The following BRMS1L variants were observed in gnomAD, a reference collection of about 807,000 sequenced individuals.
BRMS1L encodes breast cancer metastasis-suppressor 1-like protein.
BRMS1L carries 23 observed loss-of-function variants against 50.3 expected under a neutral mutation model. The ratio of observed to expected loss-of-function variants is 0.46; its 90% CI spans 0.33 to 0.65. The LOEUF is 0.65. Among genes scored for constraint, BRMS1L ranks in the 30% least tolerant of loss-of-function variants. The pLI is 0.02. For synonymous variants in BRMS1L, 114 were observed against 126.9 expected (o/e 0.90, Z 0.69); for missense variants, 286 against 386.1 (o/e 0.74, Z 2.17).
intron 4 of BRMS1L, among the ~76,000 whole-genome samples, chr14:35,845,673 A>C (rs1273339716): frequency 3.3e-5 from 5 of 152,222 alleles, no homozygotes; most frequent in Non-Finnish European, 5.9e-5. Flanking sequence ...TCTTCCATAG[A>C]AGTATATATT....
intron 5 of BRMS1L, among the ~76,000 whole-genome samples, chr14:35,863,036 T>G (rs2078373667): frequency 6.6e-6 from 1 of 151,930 alleles, no homozygotes; most frequent in Non-Finnish European, 1.5e-5. Context: ...TCCCAGGAGT[T>G]CGAGATTGCA....
intron 3 of BRMS1L, 45 bp from the exon 4 acceptor site, chr14:35,834,799 A>T (rs770845990): frequency 7.5e-7 from 1 of 1,337,190 alleles, no homozygotes; most frequent in Non-Finnish European, 1.0e-6. Context: ...TGATAATGGA[A>T]CTTCTCATTG....
At chr14:35,853,021 TAGAG>T (rs59272704) in intron 4 of BRMS1L, among the ~76,000 whole-genome samples, 4,972 of 151,870 alleles carry the variant, frequency 0.033, 252 homozygotes, top group African/African-American at 0.11. Flanking sequence ...TATCTATATA[TAGAG>T]AGAGAGACTT....
chr14:35,855,199 G>C (rs1375623989), intron 4 of BRMS1L, among the ~76,000 whole-genome samples: 5 of 152,162 alleles, frequency 3.3e-5, no homozygotes, highest in African/African-American at 1.2e-4. Context: ...AGCTTCATCA[G>C]GTTAACATGC....
chr14:35,843,406 G>A (rs900434653), intron 4 of BRMS1L, among the ~76,000 whole-genome samples: 1 of 152,126 alleles, frequency 6.6e-6, no homozygotes, highest in African/African-American at 2.4e-5. Context: ...ATTCCTTTCT[G>A]TTCGTTAGTT....
chr14:35,835,132 G>A (rs2077974862), intron 4 of BRMS1L, among the ~76,000 whole-genome samples: 1 of 151,860 alleles, frequency 6.6e-6, no homozygotes, highest in Non-Finnish European at 1.5e-5. Flanking sequence ...AAAAAACTGA[G>A]ATAATTTTAG....
chr14:35,853,781 G>C (rs533653982), intron 4 of BRMS1L, among the ~76,000 whole-genome samples: 2 of 152,106 alleles, frequency 1.3e-5, no homozygotes, highest in East Asian at 3.9e-4. Flanking sequence ...GTTCTGATTT[G>C]TCCTTTTTAA....
intron 7 of BRMS1L, 85 bp from the exon 8 acceptor site, chr14:35,865,637 T>C (rs2078410004): frequency 2.0e-6 from 2 of 1,003,604 alleles, no homozygotes; most frequent in Admixed American, 5.4e-5. Flanking sequence ...ATCGGTAATA[T>C]TGTATATATT....
intron 4 of BRMS1L, among the ~76,000 whole-genome samples, chr14:35,847,282 C>T (rs1002854196): frequency 1.1e-4 from 17 of 151,976 alleles, no homozygotes; most frequent in African/African-American, 4.1e-4. Context: ...CTGGCCATCT[C>T]TTTGTATTTT....
At chr14:35,845,128 G>A (rs2078116565) in intron 4 of BRMS1L, among the ~76,000 whole-genome samples, 1 of 152,132 alleles carries the variant, frequency 6.6e-6, no homozygotes, top group South Asian at 2.1e-4. Flanking sequence ...TAATTTGCAT[G>A]CAGATTTTCT....
intron 9 of BRMS1L, among the ~76,000 whole-genome samples, chr14:35,870,125 A>C (rs1382148540): frequency 6.6e-6 from 1 of 151,642 alleles, no homozygotes; most frequent in Non-Finnish European, 1.5e-5. Flanking sequence ...AATAGTTCTA[A>C]TAGAAAGTAA....
intron 4 of BRMS1L, among the ~76,000 whole-genome samples, chr14:35,854,303 A>G (rs2078251839): frequency 6.6e-6 from 1 of 152,102 alleles, no homozygotes; most frequent in African/African-American, 2.4e-5. Flanking sequence ...ATAATTCTGG[A>G]AGGGAAGTTT....
In BRMS1L at chr14:35,863,940, AGTT is replaced by A; in HGVS notation, c.616_618del (p.Val206del). ...CTTTCAGTCCTGACAAAAAGAAGCC[AGTT>A]GTTGTTTCAGATATCCTTTTCCAAA... On this transcript the variant is annotated inframe_deletion, in exon 6 of 10. Transcript: ENST00000216807. The A allele has an allele frequency of 6.2e-7, 1 of 1,613,752 alleles. No individual in the cohort carries two copies. Among genetic ancestry groups the A allele is most frequent in the Non-Finnish European group, 8.5e-7 (1 of 1,179,900 alleles).
intron 3 of BRMS1L, among the ~76,000 whole-genome samples, 160 bp downstream of exon 3, chr14:35,833,265 T>A (rs2142038315): frequency 6.6e-6 from 1 of 152,176 alleles, no homozygotes; most frequent in Admixed American, 6.5e-5. Context: ...CTGTATTTAT[T>A]GAATACCTCT....
chr14:35,855,767 AG>A (rs1555314943), intron 4 of BRMS1L, among the ~76,000 whole-genome samples: 1 of 152,182 alleles, frequency 6.6e-6, no homozygotes, highest in Non-Finnish European at 1.5e-5. Context: ...GAAATGAAGC[AG>A]GGTGAAAGCT....
chr14:35,837,034 A>G (rs1209414223), intron 4 of BRMS1L, among the ~76,000 whole-genome samples: 2 of 145,362 alleles, frequency 1.4e-5, no homozygotes, highest in South Asian at 4.2e-4. Flanking sequence ...TGATTTGGCT[A>G]TCTGTTTGTC....
chr14:35,848,979 C>G (rs1399521487), intron 4 of BRMS1L, among the ~76,000 whole-genome samples: 1 of 151,976 alleles, frequency 6.6e-6, no homozygotes, highest in East Asian at 1.9e-4. Flanking sequence ...TGGATATATA[C>G]CTAGAAGTGG....
chr14:35,831,005 A>G (rs2077913170), intron 1 of BRMS1L, among the ~76,000 whole-genome samples: 6 of 150,136 alleles, frequency 4.0e-5, no homozygotes, highest in Admixed American at 3.3e-4. Flanking sequence ...CAGTGTCACA[A>G]TCATGGCTTA....
intron 4 of BRMS1L, among the ~76,000 whole-genome samples, 160 bp downstream of exon 4, chr14:35,835,083 A>G (rs1247193922): frequency 6.6e-6 from 1 of 152,118 alleles, no homozygotes; most frequent in Non-Finnish European, 1.5e-5. Context: ...TTGCATTGGA[A>G]GCTGTATTGG....
Sources: gnomAD v4.1 joint callset for allele counts (sites outside exome capture counted in the v4.1 genomes callset) on GRCh38, gnomAD v4.1.1 for gene constraint, MANE v1.5 for transcripts, NCBI Gene and HGNC (gene_info 2026-07-23, HGNC 2026-07-21) for gene names.